Variants in FSTL5 observed in about 807,000 individuals in gnomAD.
The protein encoded by FSTL5 is follistatin like 5.
A neutral mutation model predicts 89.1 loss-of-function variants in FSTL5; 62 were observed. The observed-to-expected ratio is 0.70, with a 90% CI of 0.57 to 0.86. FSTL5 has a LOEUF of 0.86. Ranked by LOEUF, FSTL5 falls within the 40% of genes least tolerant of loss-of-function variation. The pLI, the probability that FSTL5 is intolerant of heterozygous loss-of-function variation, is 0.00. For synonymous variants in FSTL5, 383 were observed against 346.2 expected (o/e 1.11, Z -1.18); for missense variants, 1,057 against 1,001.6 (o/e 1.06, Z -0.75).
At chr4:161,509,184 C>T (rs1450387879) in intron 11 of FSTL5, among the ~76,000 whole-genome samples, 1 of 152,122 alleles carries the variant, frequency 6.6e-6, no homozygotes, top group East Asian at 1.9e-4. Flanking sequence ...GCTCCTGTAA[C>T]CCCAGCTACT....
chr4:162,138,260 G>A (rs12505806), intron 1 of FSTL5, among the ~76,000 whole-genome samples: 35,322 of 151,942 alleles, frequency 0.23, 4,303 homozygotes, highest in Non-Finnish European at 0.26. Context: ...AAATTACAGT[G>A]ATGGAGAAAA....
At chr4:161,536,442 TTA>T (rs1378585461) in intron 10 of FSTL5, among the ~76,000 whole-genome samples, 1 of 152,150 alleles carries the variant, frequency 6.6e-6, no homozygotes, top group Non-Finnish European at 1.5e-5. Context: ...TTTTCTTTTG[TTA>T]TACAGAATTC....
rs141958023 is a variant in FSTL5 at position 161,408,532 on chromosome 4, C to T, written c.1842-22083G>A. On this transcript the variant is annotated intron_variant, in intron 15 of 15. Coordinates refer to ENST00000306100, the MANE Select transcript of FSTL5 (RefSeq NM_020116.5). ...CAAAGTCATAGTATCCCCTTATCCC[C>T]AAATGAGCTCACTAGCTCCCTAGCA... Among the ~76,000 whole-genome samples the T allele has an allele frequency of 9.9e-5, 15 of 152,258 alleles. No homozygotes were observed. In the East Asian group the frequency reaches 1.9e-3, roughly 20 times the overall value.
At position 161,836,020 on chromosome 4, in the gene FSTL5, C is replaced by T. The variant is rs151256115; in HGVS notation, c.410-59946G>A. On this transcript the variant is annotated intron_variant, in intron 4 of 15. Coordinates refer to ENST00000306100, the MANE Select transcript of FSTL5 (RefSeq NM_020116.5). ...ACATGCACACATATGTTTATTGCAG[C>T]ACCATTCACCATAGCAAAGACTTGG... 1.6e-3 allele frequency among the ~76,000 whole-genome samples: 250 copies of T among 152,236 alleles called. 1 individual carries two copies. Among genetic ancestry groups the T allele is most frequent in the African/African-American group, 5.3e-3 (221 of 41,514 alleles).
chr4:162,067,827 A>AT (rs1421491267), intron 2 of FSTL5, among the ~76,000 whole-genome samples: 2 of 152,110 alleles, frequency 1.3e-5, no homozygotes, highest in Non-Finnish European at 2.9e-5. Context: ...AAAGCATTTA[A>AT]GCTGATAAGC....
intron 3 of FSTL5, among the ~76,000 whole-genome samples, chr4:161,969,120 A>AT (rs1735410143): frequency 6.6e-6 from 1 of 152,064 alleles, no homozygotes; most frequent in Non-Finnish European, 1.5e-5. Flanking sequence ...TTTTGGAATT[A>AT]TATACCCTAC....
intron 2 of FSTL5, among the ~76,000 whole-genome samples, chr4:162,099,755 T>C (rs551756783): frequency 6.6e-6 from 1 of 152,256 alleles, no homozygotes; most frequent in Admixed American, 6.5e-5. Context: ...AATTATAAAA[T>C]GGGCAAAAGA....
chr4:161,842,760 ATTCTAATACT>A (rs1254187004), intron 4 of FSTL5, among the ~76,000 whole-genome samples: 1 of 152,150 alleles, frequency 6.6e-6, no homozygotes, highest in African/African-American at 2.4e-5. Context: ...CATTTTATTT[ATTCTAATACT>A]TTTCTCTGAA....
chr4:161,828,254 G>A (rs1049793574), intron 4 of FSTL5, among the ~76,000 whole-genome samples: 15 of 152,152 alleles, frequency 9.9e-5, no homozygotes, highest in African/African-American at 3.6e-4. Context: ...GTGTGTGTCT[G>A]GGGGTGGACA....
intron 12 of FSTL5, among the ~76,000 whole-genome samples, chr4:161,482,655 G>GAAT (rs1729555483): frequency 6.6e-6 from 1 of 152,082 alleles, no homozygotes; most frequent in Non-Finnish European, 1.5e-5. Flanking sequence ...TAACCACATT[G>GAAT]AACAACTAAA....
chr4:161,810,955 C>T (rs1730118479), intron 4 of FSTL5, among the ~76,000 whole-genome samples: 1 of 152,140 alleles, frequency 6.6e-6, no homozygotes, highest in African/African-American at 2.4e-5. Context: ...CACAAAGTAA[C>T]TATGCGTCAG....
chr4:161,915,633 G>A (rs574344144), intron 4 of FSTL5, among the ~76,000 whole-genome samples: 168 of 152,114 alleles, frequency 1.1e-3, no homozygotes, highest in Non-Finnish European at 2.1e-3. Context: ...GATGTTGTGG[G>A]TACTAAGGGA....
chr4:161,993,697 G>A (rs1167633750), intron 3 of FSTL5, among the ~76,000 whole-genome samples: 6 of 151,974 alleles, frequency 3.9e-5, no homozygotes, highest in Admixed American at 1.3e-4. Context: ...TTAAAGGTAC[G>A]TTTCTAGCAT....
At chr4:161,969,102 G>T (rs1578902633) in intron 3 of FSTL5, among the ~76,000 whole-genome samples, 1 of 152,052 alleles carries the variant, frequency 6.6e-6, no homozygotes, top group Non-Finnish European at 1.5e-5. Flanking sequence ...GGTTGGAGGG[G>T]CTTTATTTTT....
chr4:161,460,810 T>G (rs6536594), intron 13 of FSTL5, among the ~76,000 whole-genome samples: 117,410 of 151,788 alleles, frequency 0.77, 45,426 homozygotes, highest in East Asian at 0.95. Flanking sequence ...GGATCAGATG[T>G]GCAGCAATAT....
intron 7 of FSTL5, among the ~76,000 whole-genome samples, chr4:161,621,827 C>CAAAAA (rs58143952): frequency 2.2e-5 from 2 of 90,380 alleles, no homozygotes; most frequent in Non-Finnish European, 4.6e-5. Context: ...TCTAAAAATA[C>CAAAAA]AAAAAAAAAA....
intron 15 of FSTL5, among the ~76,000 whole-genome samples, chr4:161,424,258 A>T (rs1041159381): frequency 6.6e-6 from 1 of 151,774 alleles, no homozygotes. Flanking sequence ...TGCTCAGATT[A>T]TCCATGTAAT....
chr4:161,872,128 G>GTTTTTTTGTTTGTT lies in FSTL5; in HGVS notation c.409+48275_409+48276insAACAAACAAAAAAA, dbSNP rs1732282226. 1.1e-4 allele frequency among the ~76,000 whole-genome samples: 7 copies of GTTTTTTTGTTTGTT among 64,146 alleles called. 1 individual carries two copies. Among genetic ancestry groups the GTTTTTTTGTTTGTT allele is most frequent in the Non-Finnish European group, 6.9e-5 (2 of 29,134 alleles). The allele number at this position is 64,146 out of a possible 152,430, so 42.1% of individuals were successfully genotyped here. ...CACATCTGGCTAGGCTTTGTAGTTT[G>GTTTTTTTGTTTGTT]TTTTTTTTTTTGGTTTTTTTTTTTT... On this transcript the variant is annotated intron_variant, in intron 4 of 15. Transcript: ENST00000306100.
intron 15 of FSTL5, among the ~76,000 whole-genome samples, chr4:161,413,938 T>TG (rs1158472259): frequency 6.6e-6 from 1 of 151,460 alleles, no homozygotes; most frequent in African/African-American, 2.4e-5. Flanking sequence ...GGCGGGAGAG[T>TG]GGGTTAGCAA....
Sources: allele counts gnomAD v4.1 joint callset (sites outside exome capture counted in the v4.1 genomes callset), GRCh38; gene constraint gnomAD v4.1.1; transcripts MANE v1.5; gene names NCBI Gene and HGNC (gene_info 2026-07-23, HGNC 2026-07-21).